The following ATXN1 variants were observed in gnomAD, a reference collection of about 807,000 sequenced individuals.
ATXN1 encodes ataxin 1.
ATXN1 carries 8 observed loss-of-function variants against 56.4 expected under a neutral mutation model. The ratio of observed to expected loss-of-function variants is 0.14; its 90% CI spans 0.08 to 0.26. The LOEUF (loss-of-function observed/expected upper bound fraction) is 0.26. ATXN1 is among the 10% of genes least tolerant of loss of function. The pLI, the probability that ATXN1 is intolerant of heterozygous loss-of-function variation, is 1.00. For missense variants in ATXN1, 987 were observed against 1,106.5 expected (o/e 0.89, Z 1.53); for synonymous variants, 514 against 494.6 (o/e 1.04, Z -0.52).
At chr6:16,312,625 C>T (rs190746023) in intron 7 of ATXN1, among the ~76,000 whole-genome samples, 3 of 152,130 alleles carry the variant, frequency 2.0e-5, no homozygotes, top group Non-Finnish European at 2.9e-5. Flanking sequence ...CCGAGGCGGG[C>T]GGATCACCTG....
chr6:16,684,829 TCTC>T (rs1758883265), intron 2 of ATXN1, among the ~76,000 whole-genome samples: 1 of 150,528 alleles, frequency 6.6e-6, no homozygotes. Flanking sequence ...AAGTTAAATG[TCTC>T]CTTTCTTAAA....
At position 16,628,713 on chromosome 6, in the gene ATXN1, A is replaced by G. The variant is rs143826952; in HGVS notation, c.-489+29063T>C. On this transcript the variant is annotated intron_variant, in intron 3 of 7. Transcript: ENST00000436367. ...CTCCCACTTGTAAGTGAGAACATGC[A>G]GTATTTAGTTTTTTGTTCCTGTGAT... Among the ~76,000 whole-genome samples, 425 of 152,278 alleles carry G rather than the reference A, an allele frequency of 2.8e-3. 3 individuals carry two copies. Among genetic ancestry groups the G allele is most frequent in the Non-Finnish European group, 3.5e-3 (240 of 68,032 alleles).
intron 6 of ATXN1, among the ~76,000 whole-genome samples, chr6:16,401,549 G>A (rs911933517): frequency 1.3e-5 from 2 of 152,238 alleles, no homozygotes; most frequent in Admixed American, 1.3e-4. Context: ...AGGACTTTTA[G>A]TTGGGGCAGA....
intron 4 of ATXN1, among the ~76,000 whole-genome samples, chr6:16,571,255 T>A (rs1361355556): frequency 6.6e-6 from 1 of 152,152 alleles, no homozygotes; most frequent in African/African-American, 2.4e-5. Context: ...AGACAAAGTA[T>A]TTTTACATAG....
At chr6:16,591,823 C>G (rs1561769783) in intron 3 of ATXN1, among the ~76,000 whole-genome samples, 1 of 151,280 alleles carries the variant, frequency 6.6e-6, no homozygotes, top group Non-Finnish European at 1.5e-5. Context: ...GGTGAAAAGG[C>G]CACTAATTGT....
chr6:16,407,985 T>G (rs1758718626), intron 6 of ATXN1, among the ~76,000 whole-genome samples: 1 of 151,728 alleles, frequency 6.6e-6, no homozygotes, highest in South Asian at 2.1e-4. Flanking sequence ...TGACCCAGAG[T>G]GGTTGGGTTA....
intron 6 of ATXN1, among the ~76,000 whole-genome samples, chr6:16,463,766 GC>G (rs1760045830): frequency 6.6e-6 from 1 of 152,140 alleles, no homozygotes; most frequent in Non-Finnish European, 1.5e-5. Flanking sequence ...CTAGAGTTGG[GC>G]AACATGGTTT....
intron 6 of ATXN1, among the ~76,000 whole-genome samples, chr6:16,470,971 G>A (rs539404600): frequency 6.6e-6 from 1 of 152,262 alleles, no homozygotes; most frequent in Non-Finnish European, 1.5e-5. Context: ...AAGGTACCTA[G>A]ACTGATGTGA....
At chr6:16,680,985 A>G (rs1758801595) in intron 2 of ATXN1, among the ~76,000 whole-genome samples, 1 of 152,224 alleles carries the variant, frequency 6.6e-6, no homozygotes, top group Non-Finnish European at 1.5e-5. Context: ...TGATTGAGCT[A>G]AAATGAGTGG....
At chr6:16,639,387 C>G (rs1561789730) in intron 3 of ATXN1, among the ~76,000 whole-genome samples, 1 of 152,188 alleles carries the variant, frequency 6.6e-6, no homozygotes, top group African/African-American at 2.4e-5. Flanking sequence ...GACACAGGCT[C>G]ACCGCAACCT....
At chr6:16,631,144 A>G (rs774556743) in intron 3 of ATXN1, among the ~76,000 whole-genome samples, 10 of 152,196 alleles carry the variant, frequency 6.6e-5, no homozygotes, top group Non-Finnish European at 1.5e-5. Flanking sequence ...TTCATGTTTT[A>G]AAGCTGAGAA....
rs1311445107 is a variant in ATXN1, at chr6:16,301,692, T to TGAA, written c.*4634_*4636dup. ...GGCCCTGTTTTCACCTGGTGCAAAT[T>TGAA]GAAGTGCAAAGGGTTTCAGAAGGCA... On this transcript the variant is annotated 3_prime_UTR_variant, in exon 8 of 8. Transcript: ENST00000436367. 3.9e-5 allele frequency: 6 copies of TGAA among 152,050 alleles called. No homozygotes were observed. The highest frequency in any genetic ancestry group is 1.5e-4 in the African/African-American group (6 of 41,212). 9.4% of individuals were successfully genotyped at this position (152,050 alleles called of 1,614,324 possible).
At chr6:16,389,619 C>A (rs547929284) in intron 6 of ATXN1, among the ~76,000 whole-genome samples, 1 of 152,192 alleles carries the variant, frequency 6.6e-6, no homozygotes, top group South Asian at 2.1e-4. Context: ...ACAAGAACTA[C>A]GCAGCAGATA....
chr6:16,733,260 C>A (rs1331947241), intron 2 of ATXN1, among the ~76,000 whole-genome samples: 2 of 152,206 alleles, frequency 1.3e-5, no homozygotes, highest in African/African-American at 4.8e-5. Context: ...AAGAGCCACA[C>A]TATTAAGAAC....
rs1761096675 is a variant in ATXN1, at chr6:16,761,363, T to TG, written c.-796dup. 1 of 456,276 alleles carries TG rather than the reference T, an allele frequency of 2.2e-6. No homozygotes were observed. The highest frequency in any genetic ancestry group is 1.5e-5 in the South Asian group (1 of 64,558). The allele number at this position is 456,276 out of a possible 1,614,324, so 28.3% of individuals were successfully genotyped here. A position where few individuals can be genotyped will look rare whatever the true frequency, so the allele number is the denominator to read the frequency against. Reference sequence around the variant, plus strand: ...GGGCAGAGGGAGAGAAACAATGTCTTGCGGCTGCTGTTGCTCTGGCTGCTG... The same window carrying TG: ...GGGCAGAGGGAGAGAAACAATGTCTTGGCGGCTGCTGTTGCTCTGGCTGCTG... On this transcript the variant is annotated 5_prime_UTR_variant, in exon 1 of 8. Transcript: ENST00000436367.
At chr6:16,513,783 AT>A (rs1761126927) in intron 5 of ATXN1, among the ~76,000 whole-genome samples, 1 of 152,118 alleles carries the variant, frequency 6.6e-6, no homozygotes, top group Non-Finnish European at 1.5e-5. Flanking sequence ...AGCCTAGGGC[AT>A]GGGAGGGAGG....
intron 4 of ATXN1, among the ~76,000 whole-genome samples, chr6:16,528,453 C>T (rs1376135127): frequency 6.6e-6 from 1 of 152,150 alleles, no homozygotes. Context: ...ACATCCAAAT[C>T]CAATTGTGTG....
intron 3 of ATXN1, among the ~76,000 whole-genome samples, chr6:16,617,757 A>G (rs891097304): frequency 1.0e-4 from 10 of 99,202 alleles, no homozygotes. Flanking sequence ...ATAGAGAGAA[A>G]CTCTGTCTCA....
chr6:16,528,324 C>T (rs1341168300), intron 4 of ATXN1, among the ~76,000 whole-genome samples: 1 of 148,538 alleles, frequency 6.7e-6, no homozygotes, highest in Admixed American at 6.7e-5. Flanking sequence ...AAAAGAAAAA[C>T]ACTAAATCAT....
Sources: gnomAD v4.1 joint callset for allele counts (sites outside exome capture counted in the v4.1 genomes callset) on GRCh38, gnomAD v4.1.1 for gene constraint, MANE v1.5 for transcripts, NCBI Gene and HGNC (gene_info 2026-07-23, HGNC 2026-07-21) for gene names.